Variants in ARHGEF10 observed in about 807,000 individuals in gnomAD.
ARHGEF10 encodes the protein Rho guanine nucleotide exchange factor (GEF) 10.
In ARHGEF10, 140 loss-of-function variants were observed where a neutral mutation model predicts 147.4. The observed-to-expected ratio is 0.95, with a 90% confidence interval of 0.83 to 1.09. The LOEUF (loss-of-function observed/expected upper bound fraction) is 1.09. Ranked by LOEUF, ARHGEF10 falls within the 50% of genes least tolerant of loss-of-function variation. ARHGEF10 has a pLI of 0.00. For synonymous variants in ARHGEF10, 902 were observed against 695.8 expected, an observed-to-expected ratio of 1.30 and a Z score of -4.67; for missense variants, 2,222 against 1,752.7, an observed-to-expected ratio of 1.27 and a Z score of -4.78.
chr8:1,915,362 A>G (rs1353116321), intron 18 of ARHGEF10, among the ~76,000 whole-genome samples: 1 of 152,226 alleles, frequency 6.6e-6, no homozygotes, highest in African/African-American at 2.4e-5. Flanking sequence ...GAGTTATTCT[A>G]CTTTTCTACA....
chr8:1,915,812 T>G (rs1811719018), intron 18 of ARHGEF10, among the ~76,000 whole-genome samples: 1 of 152,248 alleles, frequency 6.6e-6, no homozygotes, highest in Admixed American at 6.5e-5. Context: ...AAATATGACA[T>G]GCACACTAGT....
chr8:1,829,645 G>C (rs1159644657), intron 1 of ARHGEF10, among the ~76,000 whole-genome samples: 3 of 152,234 alleles, frequency 2.0e-5, no homozygotes, highest in Non-Finnish European at 4.4e-5. Context: ...ACTTCTTGCA[G>C]AGCAGGGCTG....
chr8:1,862,152 G>A (rs913672957), intron 4 of ARHGEF10, among the ~76,000 whole-genome samples: 4 of 152,220 alleles, frequency 2.6e-5, no homozygotes, highest in Non-Finnish European at 4.4e-5. Context: ...TGTTAGGCCC[G>A]GTCCCCAGCC....
chr8:1,853,981 A>G lies in ARHGEF10; in HGVS notation c.38-3979A>G, dbSNP rs116652872. Among the ~76,000 whole-genome samples the G allele has an allele frequency of 4.8e-3, 736 of 152,354 alleles. 3 individuals are homozygous for G. The highest frequency in any genetic ancestry group is 0.017 in the African/African-American group (691 of 41,586). On this transcript the variant is annotated intron_variant, in intron 2 of 28. Coordinates refer to ENST00000349830, the MANE Select transcript of ARHGEF10 (RefSeq NM_014629.4). ...CCTGTTTGCAGACGAGCTCACCAGCAGACTGGGGGTGAGGATTTCAGCACA... is the reference window on the plus strand; with the variant it reads ...CCTGTTTGCAGACGAGCTCACCAGCGGACTGGGGGTGAGGATTTCAGCACA...
chr8:1,887,480 C>T (rs111228824), intron 11 of ARHGEF10, among the ~76,000 whole-genome samples: 1,711 of 133,184 alleles, frequency 0.013, 30 homozygotes, highest in African/African-American at 0.042. Context: ...TGTGAGGAGA[C>T]ACTGAGTGGG....
chr8:1,836,141 A>G (rs1187729929), intron 1 of ARHGEF10, among the ~76,000 whole-genome samples: 1 of 151,578 alleles, frequency 6.6e-6, no homozygotes, highest in East Asian at 1.9e-4. Flanking sequence ...AGATTGTGCT[A>G]CTGCATTCCA....
intron 18 of ARHGEF10, 68 bp from the exon 19 acceptor site, chr8:1,922,896 C>T (rs534468893): frequency 7.2e-6 from 8 of 1,104,568 alleles, no homozygotes; most frequent in Admixed American, 7.1e-5. Context: ...TCTTTTCTTC[C>T]CTCAAGTATT....
At chr8:1,901,667 G>A (rs959904619) in intron 15 of ARHGEF10, among the ~76,000 whole-genome samples, 21 of 152,218 alleles carry the variant, frequency 1.4e-4, no homozygotes, top group South Asian at 2.1e-4. Flanking sequence ...GTGGCCCCAC[G>A]GCATGTCGGA....
intron 27 of ARHGEF10, among the ~76,000 whole-genome samples, chr8:1,949,008 A>G (rs17064407): frequency 0.3 from 42,871 of 143,878 alleles, 6,517 homozygotes; most frequent in African/African-American, 0.41. Flanking sequence ...CGATGCTCAA[A>G]TGGGTTTTCA....
rs61731551 is a variant in ARHGEF10, at chr8:1,952,826, C to T, written c.3519C>T (p.Thr1173=). Reference sequence around the variant, plus strand: ...GTCTGCAAGGGATTCCCAAAGTGACCGGTGAGTGGCACCTGCAGTCTGAGT... The same window carrying T: ...GTCTGCAAGGGATTCCCAAAGTGACTGGTGAGTGGCACCTGCAGTCTGAGT... ...VPRLQGIPKV[T]GRGMVSYHAH... Residue 1173 remains threonine (T), a splice_region_variant and synonymous_variant, in exon 28 of 29, where the codon ACC becomes ACT. Transcript: ENST00000349830. The T allele has an allele frequency of 9.0e-4, 1,455 of 1,613,840 alleles. 11 individuals are homozygous for T. In the African/African-American group the frequency reaches 0.017, roughly 19 times the overall value.
At position 1,928,626 on chromosome 8, in the gene ARHGEF10, T is replaced by G; in HGVS notation, c.2897T>G (p.Ile966Ser). ...PAVRASDVPT[I>S]CVGTEEGSIS... ...GTGAGAGCTTCTGATGTCCCCACGA[T>G]CTGTGTAGGGACGGAGGAGGGAAGG... Residue 966 changes from isoleucine (I) to serine (S), a missense_variant, in exon 24 of 29, where the codon ATC (isoleucine) becomes AGC (serine). Physicochemically the swap from Ile to Ser is moderately radical, Grantham distance 142 (BLOSUM62 -2). Transcript: ENST00000349830. 1 of 1,613,990 alleles carries G rather than the reference T, an allele frequency of 6.2e-7. No homozygotes were observed. The highest frequency in any genetic ancestry group is 8.5e-7 in the Non-Finnish European group (1 of 1,179,984).
intron 15 of ARHGEF10, among the ~76,000 whole-genome samples, chr8:1,901,390 T>C (rs1252011191): frequency 6.6e-6 from 1 of 152,152 alleles, no homozygotes; most frequent in African/African-American, 2.4e-5. Context: ...CTAAGACAGG[T>C]GCTGTGAAGC....
chr8:1,951,820 A>C (rs1815073495), intron 27 of ARHGEF10, among the ~76,000 whole-genome samples: 1 of 151,914 alleles, frequency 6.6e-6, no homozygotes, highest in Non-Finnish European at 1.5e-5. Flanking sequence ...ATGATGTGAC[A>C]GTCCAGACCC....
chr8:1,957,414 G>T lies in ARHGEF10; in HGVS notation c.*151G>T. The T allele has an allele frequency of 9.0e-7, 1 of 1,110,700 alleles. No individual in the cohort carries two copies. The highest frequency in any genetic ancestry group is 1.3e-6 in the Non-Finnish European group (1 of 781,390). The allele number at this position is 1,110,700 out of a possible 1,614,324, so 68.8% of individuals were successfully genotyped here. Reference sequence around the variant, plus strand: ...AGAAACGTGCAATAGCGTAATGGTGGTGTCCCTGCCAATTCCTTCCTTCTC... The same window carrying T: ...AGAAACGTGCAATAGCGTAATGGTGTTGTCCCTGCCAATTCCTTCCTTCTC... On this transcript the variant is annotated 3_prime_UTR_variant, in exon 29 of 29. Coordinates refer to ENST00000349830, the MANE Select transcript of ARHGEF10 (RefSeq NM_014629.4).
intron 4 of ARHGEF10, among the ~76,000 whole-genome samples, chr8:1,860,946 C>G (rs537989298): frequency 1.3e-5 from 2 of 152,278 alleles, no homozygotes; most frequent in Non-Finnish European, 2.9e-5. Context: ...TTTTCCTCGC[C>G]GGGAAGATGC....
chr8:1,831,239 C>T (rs1418526232), intron 1 of ARHGEF10, among the ~76,000 whole-genome samples: 4 of 146,846 alleles, frequency 2.7e-5, no homozygotes, highest in African/African-American at 7.3e-5. Context: ...GACAGTGTGA[C>T]ATCCGTGGAG....
intron 13 of ARHGEF10, among the ~76,000 whole-genome samples, chr8:1,894,927 G>C (rs1292084313): frequency 6.6e-6 from 1 of 152,162 alleles, no homozygotes; most frequent in African/African-American, 2.4e-5. Context: ...TTGTAAAATT[G>C]CCGTTTTTAA....
At chr8:1,841,898 T>C (rs1385140865) in intron 1 of ARHGEF10, among the ~76,000 whole-genome samples, 24 of 94,806 alleles carry the variant, frequency 2.5e-4, no homozygotes, top group South Asian at 4.2e-4. Flanking sequence ...CGGCGGGAAC[T>C]GGGGCCGCGG....
In ARHGEF10 at chr8:1,923,861, C is replaced by A; in HGVS notation, c.2475C>A (p.Ala825=). ...KESWVNSLQM[A]KLALEEENHM... is the part of the protein sequence containing the mutation. ...CCTGGGTCAACAGCTTACAGATGGC[C>A]AAGCTCGCCCTAGGTAAGGCCTGGC... Residue 825 remains alanine (A), a synonymous_variant, in exon 21 of 29, where the codon GCC becomes GCA. Coordinates refer to ENST00000349830, the MANE Select transcript of ARHGEF10 (RefSeq NM_014629.4). 1 of 1,614,128 alleles carries A rather than the reference C, an allele frequency of 6.2e-7. No individual in the cohort carries two copies. Among genetic ancestry groups the A allele is most frequent in the South Asian group, 1.1e-5 (1 of 91,086 alleles).
Sources: allele counts gnomAD v4.1 joint callset (sites outside exome capture counted in the v4.1 genomes callset), GRCh38; gene constraint gnomAD v4.1.1; transcripts MANE v1.5; gene names NCBI Gene and HGNC (gene_info 2026-07-23, HGNC 2026-07-21).